Variants in AKT3 observed in about 807,000 individuals in gnomAD.
AKT3 encodes RAC-gamma serine/threonine-protein kinase.
Under a neutral mutation model 65.3 loss-of-function variants are expected in AKT3, and 15 were observed. That is an observed-to-expected ratio of 0.23 (90% CI 0.15 to 0.35). The LOEUF is 0.35. Among genes scored for constraint, AKT3 ranks in the 10% least tolerant of loss-of-function variants. AKT3 has a pLI of 1.00. For missense variants in AKT3, 243 were observed against 576.5 expected (o/e 0.42, Z 5.92); for synonymous variants, 206 against 183.8 (o/e 1.12, Z -0.98).
chr1:243,753,668 G>A (rs909686372), intron 2 of AKT3, among the ~76,000 whole-genome samples: 1 of 152,156 alleles, frequency 6.6e-6, no homozygotes, highest in African/African-American at 2.4e-5. Context: ...TCTTCTAGGA[G>A]TTGTAACCAT....
At chr1:243,762,601 T>C (rs1297289368) in intron 2 of AKT3, among the ~76,000 whole-genome samples, 1 of 152,090 alleles carries the variant, frequency 6.6e-6, no homozygotes, top group Non-Finnish European at 1.5e-5. Flanking sequence ...TCAAGACTCA[T>C]GAAATAATTT....
chr1:243,546,737 G>T (rs945220876), intron 11 of AKT3: 6 of 151,892 alleles, frequency 4.0e-5, no homozygotes, highest in Non-Finnish European at 7.4e-5. Flanking sequence ...CTGATATAAA[G>T]AATGCAAAAC....
At chr1:243,843,085 T>G in intron 2 of AKT3, 40 bp downstream of exon 2, 2 of 1,609,772 alleles carry the variant, frequency 1.2e-6, no homozygotes, top group Non-Finnish European at 1.7e-6. Context: ...CTGCTAGCAC[T>G]CTTACCAACC....
At chr1:243,821,364 A>G (rs901713394) in intron 2 of AKT3, among the ~76,000 whole-genome samples, 1 of 152,214 alleles carries the variant, frequency 6.6e-6, no homozygotes, top group Non-Finnish European at 1.5e-5. Context: ...ACTATGAAGC[A>G]GCTACATCAA....
chr1:243,695,117 A>G (rs542076733), intron 3 of AKT3, among the ~76,000 whole-genome samples: 17 of 152,072 alleles, frequency 1.1e-4, no homozygotes, highest in Non-Finnish European at 2.9e-5. Context: ...TTTTTGTTAG[A>G]TATTTGTAAG....
intron 12 of AKT3, among the ~76,000 whole-genome samples, chr1:243,529,126 CCTTGCCCA>C (rs1210685116): frequency 6.8e-6 from 1 of 146,864 alleles, no homozygotes; most frequent in Non-Finnish European, 1.5e-5. Context: ...TGTCCATGTC[CCTTGCCCA>C]CTTTGTAATG....
intron 4 of AKT3, among the ~76,000 whole-genome samples, chr1:243,652,361 T>C (rs1300273401): frequency 6.6e-6 from 1 of 152,062 alleles, no homozygotes; most frequent in African/African-American, 2.4e-5. Flanking sequence ...GAATTTCATA[T>C]CCAGCCAAAC....
At chr1:243,679,673 C>T (rs1192368387) in intron 3 of AKT3, among the ~76,000 whole-genome samples, 1 of 152,034 alleles carries the variant, frequency 6.6e-6, no homozygotes, top group Non-Finnish European at 1.5e-5. Context: ...TGTTAAAAAC[C>T]TAACATGAAT....
At chr1:243,745,847 G>A (rs911307259) in intron 2 of AKT3, among the ~76,000 whole-genome samples, 1 of 152,072 alleles carries the variant, frequency 6.6e-6, no homozygotes, top group East Asian at 1.9e-4. Context: ...AGGAATTTCC[G>A]ATACATGCCT....
rs1489867735 is a variant in AKT3, at chr1:243,527,916, CACACACACACACACACACACAGAGAG to C, written c.1252-15516_1252-15491del. Among the ~76,000 whole-genome samples the C allele has an allele frequency of 7.4e-3, 716 of 97,400 alleles. 16 individuals carry two copies. The highest frequency in any genetic ancestry group is 0.031 in the African/African-American group (650 of 20,758). The allele number at this position is 97,400 out of a possible 152,430, so 63.9% of individuals were successfully genotyped here. A position where few individuals can be genotyped will look rare whatever the true frequency, so the allele number is the denominator to read the frequency against. ...ACACACACACACACACACACACACA[CACACACACACACACACACACAGAGAG>C]AGAGAGAGAGAGAGAGAATTTGAGG... On this transcript the variant is annotated intron_variant, in intron 12 of 13. Coordinates refer to ENST00000673466, the MANE Select transcript of AKT3 (RefSeq NM_005465.7).
chr1:243,581,010 T>G (rs1178229647), intron 8 of AKT3, among the ~76,000 whole-genome samples: 1 of 152,038 alleles, frequency 6.6e-6, no homozygotes, highest in Non-Finnish European at 1.5e-5. Flanking sequence ...GGGTCTCTGC[T>G]CCATGCTCTA....
intron 2 of AKT3, among the ~76,000 whole-genome samples, chr1:243,709,312 T>A (rs1466215038): frequency 6.6e-6 from 1 of 150,936 alleles, no homozygotes; most frequent in South Asian, 2.1e-4. Context: ...GAGCTTCTAT[T>A]GAAGGAAGAT....
At chr1:243,602,550 T>C (rs1290281795) in intron 8 of AKT3, among the ~76,000 whole-genome samples, 2 of 152,158 alleles carry the variant, frequency 1.3e-5, no homozygotes, top group African/African-American at 2.4e-5. Context: ...ACTAGAATAC[T>C]GACTACTGGT....
intron 8 of AKT3, among the ~76,000 whole-genome samples, chr1:243,589,167 G>A (rs186305473): frequency 7.2e-5 from 11 of 151,728 alleles, no homozygotes; most frequent in South Asian, 2.1e-4. Flanking sequence ...TCAGCCAGGC[G>A]TGGTGGCAGG....
chr1:243,592,064 G>A (rs751459627), intron 8 of AKT3, among the ~76,000 whole-genome samples: 4 of 152,042 alleles, frequency 2.6e-5, no homozygotes, highest in Non-Finnish European at 2.9e-5. Flanking sequence ...GGCCAGGCAC[G>A]GTAGCTCACA....
chr1:243,511,272 G>A (rs566184267), intron 13 of AKT3, among the ~76,000 whole-genome samples: 6 of 152,162 alleles, frequency 3.9e-5, no homozygotes, highest in Non-Finnish European at 8.8e-5. Context: ...GCACACACAC[G>A]TCATCATATC....
intron 3 of AKT3, among the ~76,000 whole-genome samples, chr1:243,667,242 T>TA: frequency 6.6e-6 from 1 of 152,276 alleles, no homozygotes; most frequent in Middle Eastern, 3.4e-3. Context: ...CCGGCTGCCC[T>TA]AAGACAAGAT....
intron 2 of AKT3, among the ~76,000 whole-genome samples, chr1:243,785,670 C>T (rs527581937): frequency 6.2e-4 from 94 of 152,186 alleles, no homozygotes; most frequent in Non-Finnish European, 9.7e-4. Context: ...CTAGATGTGT[C>T]GTAGGATGCG....
chr1:243,769,449 A>G (rs1411497494), intron 2 of AKT3, among the ~76,000 whole-genome samples: 1 of 152,224 alleles, frequency 6.6e-6, no homozygotes, highest in African/African-American at 2.4e-5. Flanking sequence ...CAATTTCTCC[A>G]TATCCTCACC....
Sources: gnomAD v4.1 joint callset for allele counts (sites outside exome capture counted in the v4.1 genomes callset) on GRCh38, gnomAD v4.1.1 for gene constraint, MANE v1.5 for transcripts, NCBI Gene and HGNC (gene_info 2026-07-23, HGNC 2026-07-21) for gene names.